PJA2: variants seen among roughly 807,000 people sequenced by gnomAD.
PJA2 encodes E3 ubiquitin-protein ligase Praja-2.
In PJA2, 25 loss-of-function variants were observed where a neutral mutation model predicts 69.3. The ratio of observed to expected loss-of-function variants is 0.36; its 90% CI spans 0.26 to 0.50. The LOEUF (loss-of-function observed/expected upper bound fraction) is 0.50, where lower values mean the gene tolerates loss of function less well. PJA2 is among the 20% of genes least tolerant of loss of function. The pLI is 0.96. For synonymous variants in PJA2, 308 were observed against 277.8 expected (o/e 1.11, Z -1.08); for missense variants, 809 against 830.2 (o/e 0.97, Z 0.31).
At chr5:109,375,521 A>G (rs941539911) in intron 4 of PJA2, among the ~76,000 whole-genome samples, 28 of 152,150 alleles carry the variant, frequency 1.8e-4, no homozygotes, top group African/African-American at 6.8e-4. Flanking sequence ...ATAAATAAAT[A>G]AAAAATAAAA....
At chr5:109,406,106 C>G (rs1043792652) in intron 1 of PJA2, among the ~76,000 whole-genome samples, 4 of 147,840 alleles carry the variant, frequency 2.7e-5, no homozygotes, top group Admixed American at 6.8e-5. Context: ...TGCAGTGGCA[C>G]GATCTTGGCT....
chr5:109,368,662 T>C lies in PJA2; in HGVS notation c.1368A>G (p.Glu456=), dbSNP rs1353077776. 6.2e-7 allele frequency: 1 copy of C among 1,614,156 alleles called. No individual in the cohort carries two copies. The highest frequency in any genetic ancestry group is 8.5e-7 in the Non-Finnish European group (1 of 1,180,018). Residue 456 remains glutamate (E), a synonymous_variant, in exon 5 of 10, where the codon GAA becomes GAG. Transcript: ENST00000361189. ...GTEKDQSSSD[E]SWETLPGKDE... ...CTTTTCCTGGCAGAGTCTCCCAGCT[T>C]TCATCACTTGAGGATTGATCTTTTT...
intron 4 of PJA2, among the ~76,000 whole-genome samples, chr5:109,375,999 T>C (rs1472660503): frequency 1.3e-5 from 2 of 152,126 alleles, no homozygotes; most frequent in Non-Finnish European, 2.9e-5. Context: ...GTAAAACATA[T>C]CTTAAGGCTA....
At chr5:109,392,658 C>T (rs1169715793) in intron 1 of PJA2, among the ~76,000 whole-genome samples, 1 of 151,848 alleles carries the variant, frequency 6.6e-6, no homozygotes, top group Non-Finnish European at 1.5e-5. Flanking sequence ...TCAACAGCCA[C>T]ATGTGGCTAG....
chr5:109,392,361 G>C (rs1376166441), intron 1 of PJA2, among the ~76,000 whole-genome samples: 1 of 151,974 alleles, frequency 6.6e-6, no homozygotes, highest in Non-Finnish European at 1.5e-5. Context: ...AGGAGGTGGA[G>C]ACCAGCCTGG....
At chr5:109,363,445 C>G (rs1762532236) in intron 5 of PJA2, among the ~76,000 whole-genome samples, 1 of 152,324 alleles carries the variant, frequency 6.6e-6, no homozygotes, top group South Asian at 2.1e-4. Context: ...ACTTCTCCAA[C>G]AGCATCTCTC....
chr5:109,345,621 A>T (rs1490581137), intron 7 of PJA2, among the ~76,000 whole-genome samples: 1 of 152,026 alleles, frequency 6.6e-6, no homozygotes, highest in Admixed American at 6.5e-5. Flanking sequence ...CCTATGTGAG[A>T]TCAATAACAT....
In PJA2 at chr5:109,344,181, A is replaced by G. The variant is rs1762136382; in HGVS notation, c.2001+9T>C. 1 of 1,446,280 alleles carries G rather than the reference A, an allele frequency of 6.9e-7. No homozygotes were observed. The highest frequency in any genetic ancestry group is 9.3e-7 in the Non-Finnish European group (1 of 1,071,926). 89.6% of individuals were successfully genotyped at this position (1,446,280 alleles called of 1,614,324 possible). A position where few individuals can be genotyped will look rare whatever the true frequency, so the allele number is the denominator to read the frequency against. ...GTATTTTTAAATTTTTAATTATTCTATCACTCACCTTTTGTAGCCAAATTG... is the reference window on the plus strand; with the variant it reads ...GTATTTTTAAATTTTTAATTATTCTGTCACTCACCTTTTGTAGCCAAATTG... On this transcript the variant is annotated intron_variant, in intron 9 of 9. Transcript: ENST00000361189.
chr5:109,386,272 A>C, intron 1 of PJA2, among the ~76,000 whole-genome samples: 1 of 152,318 alleles, frequency 6.6e-6, no homozygotes, highest in East Asian at 1.9e-4. Context: ...AAAGTGTTTT[A>C]GGCAGAACTG....
At chr5:109,370,606 C>T (rs1320537595) in intron 4 of PJA2, among the ~76,000 whole-genome samples, 1 of 152,126 alleles carries the variant, frequency 6.6e-6, no homozygotes, top group Non-Finnish European at 1.5e-5. Context: ...GTATGCTGTA[C>T]AATTTTCTGT....
intron 1 of PJA2, among the ~76,000 whole-genome samples, chr5:109,385,680 T>C (rs1189725770): frequency 4.6e-5 from 7 of 152,128 alleles, no homozygotes; most frequent in Non-Finnish European, 1.0e-4. Context: ...TCTCTAGGTG[T>C]ACATGGAGAA....
At chr5:109,370,703 T>C (rs1762662138) in intron 4 of PJA2, among the ~76,000 whole-genome samples, 1 of 152,226 alleles carries the variant, frequency 6.6e-6, no homozygotes, top group African/African-American at 2.4e-5. Context: ...AAGGAGCTTA[T>C]TGACCTAAGT....
chr5:109,408,702 C>T (rs1359098472), intron 1 of PJA2, among the ~76,000 whole-genome samples: 2 of 152,204 alleles, frequency 1.3e-5, no homozygotes, highest in African/African-American at 2.4e-5. Flanking sequence ...TTGAAGTGTA[C>T]ATCAAACTTG....
intron 1 of PJA2, among the ~76,000 whole-genome samples, chr5:109,406,481 T>C (rs77204819): frequency 0.038 from 5,770 of 152,294 alleles, 111 homozygotes; most frequent in Middle Eastern, 0.051. Context: ...GATACTACTA[T>C]ATACCCACTA....
chr5:109,340,505 C>T (rs1762022935), intron 9 of PJA2, among the ~76,000 whole-genome samples: 1 of 151,468 alleles, frequency 6.6e-6, no homozygotes, highest in Admixed American at 6.6e-5. Flanking sequence ...TTGGGAATTC[C>T]TAGTGAACTG....
intron 7 of PJA2, among the ~76,000 whole-genome samples, chr5:109,351,752 A>C (rs1025169271): frequency 7.2e-5 from 11 of 152,124 alleles, no homozygotes; most frequent in Non-Finnish European, 1.5e-4. Flanking sequence ...GTATTGGGAA[A>C]ATAACAGAAA....
At chr5:109,381,154 T>C (rs1316362343) in intron 3 of PJA2, among the ~76,000 whole-genome samples, 1 of 151,982 alleles carries the variant, frequency 6.6e-6, no homozygotes, top group Non-Finnish European at 1.5e-5. Context: ...ATTTAAATAT[T>C]ATATGCAGGG....
In PJA2 at chr5:109,335,921, C is replaced by A. The variant is rs993814489; in HGVS notation, c.*1310G>T. On this transcript the variant is annotated 3_prime_UTR_variant, in exon 10 of 10. Transcript: ENST00000361189. Reference sequence around the variant, plus strand: ...TTGCTGTAAATACCAGACACATTTACAATATATGCAAAAATTAGAATGCAA... The same window carrying A: ...TTGCTGTAAATACCAGACACATTTAAAATATATGCAAAAATTAGAATGCAA... 6.6e-6 allele frequency: 1 copy of A among 152,554 alleles called. No homozygotes were observed. Among genetic ancestry groups the A allele is most frequent in the Non-Finnish European group, 1.5e-5 (1 of 68,024 alleles). The allele number at this position is 152,554 out of a possible 1,614,324, so 9.5% of individuals were successfully genotyped here.
chr5:109,388,725 C>T (rs913366554), intron 1 of PJA2, among the ~76,000 whole-genome samples: 4 of 152,118 alleles, frequency 2.6e-5, no homozygotes, highest in African/African-American at 4.8e-5. Context: ...AAGGAAAAGT[C>T]TTGGTTACTC....
Sources: allele counts gnomAD v4.1 joint callset (sites outside exome capture counted in the v4.1 genomes callset), GRCh38; gene constraint gnomAD v4.1.1; transcripts MANE v1.5; gene names NCBI Gene and HGNC (gene_info 2026-07-23, HGNC 2026-07-21).